DLG1: variants seen among roughly 807,000 people sequenced by gnomAD.
The protein encoded by DLG1 is discs large MAGUK scaffold protein 1, also known as disks large homolog 1.
A neutral mutation model predicts 123.4 loss-of-function variants in DLG1; 42 were observed. The observed-to-expected ratio is 0.34, with a 90% CI of 0.27 to 0.44. DLG1 has a LOEUF of 0.44. Among genes scored for constraint, DLG1 ranks in the 20% least tolerant of loss-of-function variants. DLG1 has a pLI of 1.00. For synonymous variants in DLG1, 317 were observed against 356.2 expected (o/e 0.89, Z 1.24); for missense variants, 942 against 1,082.6 (o/e 0.87, Z 1.82).
At chr3:197,050,328 C>T (rs1560309874) in intron 24 of DLG1, among the ~76,000 whole-genome samples, 1 of 151,628 alleles carries the variant, frequency 6.6e-6, no homozygotes, top group East Asian at 2.0e-4. Context: ...GATTGCGCCA[C>T]TGCACTCCAG....
chr3:197,202,548 A>G (rs1726317595), intron 4 of DLG1, among the ~76,000 whole-genome samples: 1 of 152,220 alleles, frequency 6.6e-6, no homozygotes, highest in Admixed American at 6.5e-5. Context: ...TGATTTTAGG[A>G]GAAGAAAAAC....
chr3:197,160,746 C>T (rs1482464065), intron 5 of DLG1, among the ~76,000 whole-genome samples: 3 of 152,222 alleles, frequency 2.0e-5, no homozygotes, highest in Middle Eastern at 3.4e-3. Flanking sequence ...TGAATAATCA[C>T]AGCTGATATA....
intron 4 of DLG1, among the ~76,000 whole-genome samples, chr3:197,270,001 A>G (rs1763260442): frequency 6.6e-6 from 1 of 152,158 alleles, no homozygotes; most frequent in African/African-American, 2.4e-5. Context: ...CTCAAATTTT[A>G]TTTTACCAGT....
At chr3:197,097,598 TGAGA>T (rs1178001746) in intron 14 of DLG1, among the ~76,000 whole-genome samples, 6 of 148,268 alleles carry the variant, frequency 4.0e-5, no homozygotes, top group African/African-American at 1.5e-4. Context: ...TTTTTTTTTT[TGAGA>T]GAGAGTCTCG....
intron 5 of DLG1, among the ~76,000 whole-genome samples, chr3:197,181,340 T>C (rs899144800): frequency 3.3e-5 from 5 of 152,200 alleles, no homozygotes. Context: ...TAGAGTATTT[T>C]TGACATCAGT....
At chr3:197,087,489 T>A (rs1162970257) in intron 15 of DLG1, among the ~76,000 whole-genome samples, 2 of 152,076 alleles carry the variant, frequency 1.3e-5, no homozygotes, top group African/African-American at 4.8e-5. Flanking sequence ...AAGACAAGCT[T>A]AGCCAACAGG....
In DLG1 at chr3:197,241,623, T is replaced by G. The variant is rs73088433; in HGVS notation, c.318+41056A>C. Among the ~76,000 whole-genome samples the G allele has an allele frequency of 9.8e-3, 1,496 of 152,216 alleles. 23 individuals carry two copies. Among genetic ancestry groups the G allele is most frequent in the African/African-American group, 0.034 (1,392 of 41,552 alleles). On this transcript the variant is annotated intron_variant, in intron 4 of 24. Transcript: ENST00000667157. ...AAAAACAGTAACAGTTACAACAACC[T>G]GTTAAGTGGCAGATAATATAAAAAT...
chr3:197,065,956 C>T (rs770872008), intron 20 of DLG1, 147 bp from the exon 21 acceptor site: 40 of 541,008 alleles, frequency 7.4e-5, no homozygotes, highest in African/African-American at 2.7e-4. Flanking sequence ...ACCAAAGATG[C>T]GTAACTTGCT....
chr3:197,246,556 G>A (rs1751816142), intron 4 of DLG1, among the ~76,000 whole-genome samples: 1 of 152,194 alleles, frequency 6.6e-6, no homozygotes, highest in Non-Finnish European at 1.5e-5. Context: ...TAAGGCAGTA[G>A]CTGTAATAGA....
At chr3:197,153,975 TA>T (rs956269206) in intron 5 of DLG1, among the ~76,000 whole-genome samples, 61 of 151,948 alleles carry the variant, frequency 4.0e-4, no homozygotes, top group East Asian at 1.9e-3. Flanking sequence ...AGTGGCTTAT[TA>T]AAAAAAATAT....
intron 4 of DLG1, among the ~76,000 whole-genome samples, chr3:197,263,104 T>A (rs550430268): frequency 6.6e-6 from 1 of 152,216 alleles, no homozygotes; most frequent in Non-Finnish European, 1.5e-5. Context: ...AAGTGATATC[T>A]AAGTACTGAC....
At chr3:197,252,862 C>T (rs1755119392) in intron 4 of DLG1, among the ~76,000 whole-genome samples, 1 of 152,132 alleles carries the variant, frequency 6.6e-6, no homozygotes, top group South Asian at 2.1e-4. Context: ...TAATCGTCCT[C>T]TTTGCGCAGT....
intron 4 of DLG1, among the ~76,000 whole-genome samples, chr3:197,224,863 G>A (rs976818677): frequency 1.1e-4 from 17 of 152,166 alleles, no homozygotes; most frequent in Non-Finnish European, 2.1e-4. Flanking sequence ...AAAAAAGTTC[G>A]ATTCAAAACA....
chr3:197,195,160 ACT>A (rs1345393771), intron 4 of DLG1, among the ~76,000 whole-genome samples: 1 of 152,054 alleles, frequency 6.6e-6, no homozygotes. Flanking sequence ...ATAAAGACAC[ACT>A]GAGATAAAAT....
intron 4 of DLG1, among the ~76,000 whole-genome samples, chr3:197,280,123 T>C (rs989844214): frequency 6.6e-6 from 1 of 152,156 alleles, no homozygotes; most frequent in Admixed American, 6.5e-5. Flanking sequence ...AACCATCCTC[T>C]CTTCATCTTT....
At chr3:197,178,216 G>A (rs1808213969) in intron 5 of DLG1, among the ~76,000 whole-genome samples, 1 of 152,162 alleles carries the variant, frequency 6.6e-6, no homozygotes, top group Admixed American at 6.5e-5. Context: ...GATGTCTACT[G>A]CTGTAGTTCA....
chr3:197,165,499 C>G (rs932624460), intron 5 of DLG1, among the ~76,000 whole-genome samples: 1 of 152,030 alleles, frequency 6.6e-6, no homozygotes, highest in Non-Finnish European at 1.5e-5. Context: ...TAACAAATGG[C>G]TAAAATGGTA....
chr3:197,046,409 A>AAATT (rs1431450666), intron 24 of DLG1, among the ~76,000 whole-genome samples: 3 of 152,238 alleles, frequency 2.0e-5, no homozygotes, highest in African/African-American at 7.2e-5. Context: ...CATGTGATTA[A>AAATT]AATTAGCATC....
At chr3:197,084,310 TTTG>T (rs1174043813) in intron 16 of DLG1, among the ~76,000 whole-genome samples, 2 of 127,816 alleles carry the variant, frequency 1.6e-5, no homozygotes, top group African/African-American at 5.4e-5. Flanking sequence ...GGCATCACTT[TTTG>T]TTGTTTTTTT....
Sources: gnomAD v4.1 joint callset for allele counts (sites outside exome capture counted in the v4.1 genomes callset) on GRCh38, gnomAD v4.1.1 for gene constraint, MANE v1.5 for transcripts, NCBI Gene and HGNC (gene_info 2026-07-23, HGNC 2026-07-21) for gene names.